NTM: variants seen among roughly 807,000 people sequenced by gnomAD.
The protein encoded by NTM is IgLON family member 2.
NTM carries 13 observed loss-of-function variants against 42.1 expected under a neutral mutation model. That is an observed-to-expected ratio of 0.31 (90% CI 0.20 to 0.49). NTM has a LOEUF of 0.49. NTM is among the 20% of genes least tolerant of loss of function. The pLI is 0.99. For missense variants in NTM, 373 were observed against 452.8 expected (o/e 0.82, Z 1.60); for synonymous variants, 187 against 179.2 (o/e 1.04, Z -0.35).
chr11:132,066,510 C>T (rs1469438571), intron 2 of NTM, among the ~76,000 whole-genome samples: 1 of 152,172 alleles, frequency 6.6e-6, no homozygotes, highest in Non-Finnish European at 1.5e-5. Flanking sequence ...TTAAAACAAC[C>T]AGAAGTGTAT....
At chr11:131,889,151 C>T (rs1592593769) in intron 1 of NTM, among the ~76,000 whole-genome samples, 2 of 152,322 alleles carry the variant, frequency 1.3e-5, no homozygotes, top group Admixed American at 6.5e-5. Context: ...CCAAAAGGAA[C>T]ATTCTTAACA....
intron 1 of NTM, among the ~76,000 whole-genome samples, chr11:131,641,683 T>A (rs2065150412): frequency 6.6e-6 from 1 of 152,088 alleles, no homozygotes; most frequent in African/African-American, 2.4e-5. Flanking sequence ...TACTTGCAAA[T>A]TAATTCAGTG....
chr11:131,763,707 CTCT>C (rs2084618406), intron 1 of NTM, among the ~76,000 whole-genome samples: 1 of 60,796 alleles, frequency 1.6e-5, no homozygotes, highest in African/African-American at 4.4e-5. Flanking sequence ...CCATCTCTCT[CTCT>C]TTTTTTTTTT....
At chr11:132,006,598 C>T (rs758505325) in intron 2 of NTM, among the ~76,000 whole-genome samples, 1 of 152,222 alleles carries the variant, frequency 6.6e-6, no homozygotes, top group Non-Finnish European at 1.5e-5. Flanking sequence ...AGGCAGTCCA[C>T]AAAGCAGTGT....
At chr11:131,821,443 G>A (rs2093184616) in intron 1 of NTM, among the ~76,000 whole-genome samples, 1 of 152,206 alleles carries the variant, frequency 6.6e-6, no homozygotes, top group South Asian at 2.1e-4. Flanking sequence ...CAGCAAGTCG[G>A]TGGTCACGCC....
At chr11:131,875,270 C>T (rs994396221) in intron 1 of NTM, among the ~76,000 whole-genome samples, 4 of 152,260 alleles carry the variant, frequency 2.6e-5, no homozygotes, top group South Asian at 4.1e-4. Context: ...AGAAAGTTTC[C>T]CTACACTTTA....
chr11:132,292,574 G>GCTGTC (rs2094481795), intron 4 of NTM, among the ~76,000 whole-genome samples: 1 of 151,894 alleles, frequency 6.6e-6, no homozygotes, highest in East Asian at 1.9e-4. Flanking sequence ...GCCTGCTTGA[G>GCTGTC]ACAGGCACGT....
intron 1 of NTM, among the ~76,000 whole-genome samples, chr11:131,847,305 T>C (rs2045028310): frequency 6.6e-6 from 1 of 150,740 alleles, no homozygotes; most frequent in African/African-American, 2.5e-5. Flanking sequence ...GTTTCAATTC[T>C]TATTAAATAA....
chr11:132,232,193 A>C (rs1168652415), intron 4 of NTM, among the ~76,000 whole-genome samples: 1 of 152,122 alleles, frequency 6.6e-6, no homozygotes, highest in Non-Finnish European at 1.5e-5. Flanking sequence ...TTGACTATAA[A>C]CTTCCCACTG....
intron 1 of NTM, among the ~76,000 whole-genome samples, chr11:131,685,585 G>A (rs537740327): frequency 9.2e-5 from 14 of 152,248 alleles, no homozygotes; most frequent in South Asian, 6.2e-4. Flanking sequence ...CCGCCCCCTC[G>A]TAGCAAGTGA....
chr11:132,287,628 A>G (rs2094296784), intron 4 of NTM, among the ~76,000 whole-genome samples: 1 of 152,248 alleles, frequency 6.6e-6, no homozygotes, highest in African/African-American at 2.4e-5. Context: ...TCAAGTACAA[A>G]TGAATCAGGG....
At chr11:131,373,948 G>C (rs56229414) in intron 1 of NTM, among the ~76,000 whole-genome samples, 34,990 of 152,214 alleles carry the variant, frequency 0.23, 5,251 homozygotes, top group Non-Finnish European at 0.33. Context: ...GGTGGGCGCC[G>C]TTCGGCTGGG....
At chr11:131,925,644 C>A (rs1333112183) in intron 2 of NTM, among the ~76,000 whole-genome samples, 1 of 152,058 alleles carries the variant, frequency 6.6e-6, no homozygotes, top group East Asian at 1.9e-4. Flanking sequence ...CTTGGCCTGC[C>A]AAAGTGCTGG....
At chr11:132,169,662 A>C (rs2075854194) in intron 3 of NTM, among the ~76,000 whole-genome samples, 1 of 151,918 alleles carries the variant, frequency 6.6e-6, no homozygotes, top group Admixed American at 6.6e-5. Flanking sequence ...TACTTCTTAG[A>C]CTGGCAGTAT....
chr11:132,129,444 A>G (rs1410144827), intron 2 of NTM, among the ~76,000 whole-genome samples: 1 of 152,182 alleles, frequency 6.6e-6, no homozygotes, highest in Non-Finnish European at 1.5e-5. Flanking sequence ...CAATCAGCCG[A>G]TGTATCAGAA....
At chr11:131,403,693 C>A (rs1055406527) in intron 1 of NTM, among the ~76,000 whole-genome samples, 1 of 152,122 alleles carries the variant, frequency 6.6e-6, no homozygotes, top group Admixed American at 6.5e-5. Flanking sequence ...TTCTCCCCCT[C>A]CTCAAAAGTT....
intron 1 of NTM, among the ~76,000 whole-genome samples, chr11:131,688,110 T>G (rs1274728375): frequency 3.9e-5 from 6 of 152,164 alleles, no homozygotes; most frequent in Non-Finnish European, 8.8e-5. Flanking sequence ...TTCTCACATC[T>G]GGATGAGGAG....
At chr11:132,254,301 C>T (rs2139424822) in intron 4 of NTM, among the ~76,000 whole-genome samples, 1 of 152,158 alleles carries the variant, frequency 6.6e-6, no homozygotes, top group South Asian at 2.1e-4. Flanking sequence ...CCTTCTCGCC[C>T]ACTTGTCTCC....
At chr11:131,743,823 C>A (rs183884667) in intron 1 of NTM, among the ~76,000 whole-genome samples, 1 of 152,212 alleles carries the variant, frequency 6.6e-6, no homozygotes, top group African/African-American at 2.4e-5. Context: ...GTATCCAGTA[C>A]TTGGGAGAAG....
Sources: gnomAD v4.1 joint callset for allele counts (sites outside exome capture counted in the v4.1 genomes callset) on GRCh38, gnomAD v4.1.1 for gene constraint, MANE v1.5 for transcripts, NCBI Gene and HGNC (gene_info 2026-07-23, HGNC 2026-07-21) for gene names.